The following NFASC variants were observed in gnomAD, a reference collection of about 807,000 sequenced individuals.
NFASC encodes neurofascin homolog.
NFASC carries 43 observed loss-of-function variants against 147.5 expected under a neutral mutation model. The ratio of observed to expected loss-of-function variants is 0.29; its 90% CI spans 0.23 to 0.38. The LOEUF is 0.38. Among genes scored for constraint, NFASC ranks in the 10% least tolerant of loss-of-function variants. NFASC has a pLI of 1.00. For missense variants in NFASC, 1,320 were observed against 1,689.0 expected (o/e 0.78, Z 3.83); for synonymous variants, 622 against 665.5 (o/e 0.93, Z 1.01).
chr1:205,019,774 A>G lies in NFASC; in HGVS notation c.*3235A>G, dbSNP rs952165259. ...TCAAGAACCACGGTGTGGCTTGAGA[A>G]ACAGTCCTGCTTCCTGAGCCTCTTT... On this transcript the variant is annotated 3_prime_UTR_variant, in exon 30 of 30. Coordinates refer to ENST00000339876, the MANE Select transcript of NFASC (RefSeq NM_001005388.3). 2 of 152,216 alleles carry G rather than the reference A, an allele frequency of 1.3e-5. No individual in the cohort carries two copies. The highest frequency in any genetic ancestry group is 2.1e-4 in the South Asian group (1 of 4,830). 9.4% of individuals were successfully genotyped at this position (152,216 alleles called of 1,614,324 possible).
At chr1:204,961,135 G>A (rs2094642974) in intron 8 of NFASC, among the ~76,000 whole-genome samples, 1 of 152,198 alleles carries the variant, frequency 6.6e-6, no homozygotes, top group Non-Finnish European at 1.5e-5. Context: ...TGCTGGAAGG[G>A]ACCAGAGGTA....
At chr1:204,890,356 T>C (rs1408173709) in intron 1 of NFASC, among the ~76,000 whole-genome samples, 3 of 152,168 alleles carry the variant, frequency 2.0e-5, no homozygotes, top group Admixed American at 6.5e-5. Context: ...CGGCACTATG[T>C]GAAAACCTAG....
chr1:204,981,650 G>T, intron 20 of NFASC, 148 bp from the exon 21 acceptor site: 2 of 481,518 alleles, frequency 4.2e-6, no homozygotes, highest in Non-Finnish European at 3.6e-6. Context: ...ACTGGGGTGG[G>T]GGATATGGTC....
chr1:204,947,396 C>T (rs2093818612), intron 3 of NFASC, among the ~76,000 whole-genome samples: 3 of 152,188 alleles, frequency 2.0e-5, no homozygotes, highest in African/African-American at 7.2e-5. Context: ...GCATTCTTAA[C>T]GTTCTCGCCC....
chr1:205,009,078 G>A (rs1191630586), intron 27 of NFASC: 1 of 250,220 alleles, frequency 4.0e-6, no homozygotes, highest in Non-Finnish European at 7.9e-6. Flanking sequence ...GTGCAGGCCT[G>A]CGAAGGTGTT....
intron 1 of NFASC, among the ~76,000 whole-genome samples, chr1:204,864,868 T>C (rs1025358277): frequency 2.0e-5 from 3 of 152,230 alleles, no homozygotes; most frequent in Non-Finnish European, 4.4e-5. Context: ...GATTTGCATC[T>C]GTTTTCTCCC....
intron 2 of NFASC, among the ~76,000 whole-genome samples, chr1:204,937,680 C>G (rs2092982948): frequency 6.6e-6 from 1 of 152,208 alleles, no homozygotes; most frequent in African/African-American, 2.4e-5. Context: ...CTCCGTTTCT[C>G]CATCCGCTGA....
intron 1 of NFASC, among the ~76,000 whole-genome samples, chr1:204,905,530 C>T (rs901205720): frequency 1.3e-5 from 2 of 152,034 alleles, no homozygotes; most frequent in East Asian, 1.9e-4. Flanking sequence ...TCAAGTCCTT[C>T]GCTTTTTTTG....
chr1:205,016,020 C>T lies in NFASC; in HGVS notation c.3492-288C>T, dbSNP rs948917770. 6.6e-6 allele frequency among the ~76,000 whole-genome samples: 1 copy of T among 152,164 alleles called. No individual in the cohort carries two copies. The highest frequency in any genetic ancestry group is 1.5e-5 in the Non-Finnish European group (1 of 68,032). On this transcript the variant is annotated intron_variant, in intron 29 of 29. Coordinates refer to ENST00000339876, the MANE Select transcript of NFASC (RefSeq NM_001005388.3). This position sits in a 1 kb window ranked among gnomAD's most constrained non-coding sequence, Gnocchi z 5.1. ...GGCCATCCTCTGTCCACTTCCACCA[C>T]ACACAGGGACCCAATCTCATGGAAA...
At chr1:204,952,823 C>A (rs1398666350) in intron 5 of NFASC, among the ~76,000 whole-genome samples, 1 of 152,194 alleles carries the variant, frequency 6.6e-6, no homozygotes, top group Non-Finnish European at 1.5e-5. Flanking sequence ...AAGATTCAGA[C>A]CCGTATGTGA....
At chr1:204,884,757 G>T (rs771436358) in intron 1 of NFASC, among the ~76,000 whole-genome samples, 5 of 152,148 alleles carry the variant, frequency 3.3e-5, no homozygotes, top group African/African-American at 9.7e-5. Flanking sequence ...AGGCATATAT[G>T]ATCATGTGAT....
At chr1:204,881,339 C>T (rs2080183473) in intron 1 of NFASC, among the ~76,000 whole-genome samples, 1 of 152,180 alleles carries the variant, frequency 6.6e-6, no homozygotes, top group South Asian at 2.1e-4. Flanking sequence ...GTTGGGGAGG[C>T]CTCTCTATTG....
At chr1:204,936,198 C>CTTTTTTTTTTT (rs749844237) in intron 2 of NFASC, among the ~76,000 whole-genome samples, 6 of 71,878 alleles carry the variant, frequency 8.3e-5, no homozygotes, top group Non-Finnish European at 9.6e-5. Context: ...CTCTCTCTTT[C>CTTTTTTTTTTT]TTTTTCTTTT....
chr1:204,974,576 G>A, intron 13 of NFASC, 81 bp from the exon 14 acceptor site: 1 of 1,486,858 alleles, frequency 6.7e-7, no homozygotes, highest in African/African-American at 1.4e-5. Flanking sequence ...AGCCCCCATG[G>A]TCTCTCTTGA....
chr1:204,951,323 T>G (rs2094111242), intron 4 of NFASC, among the ~76,000 whole-genome samples: 1 of 149,036 alleles, frequency 6.7e-6, no homozygotes, highest in Non-Finnish European at 1.5e-5. Flanking sequence ...TAATTTTTTT[T>G]TTTTTTTTTT....
chr1:204,845,142 A>C (rs898045469), intron 1 of NFASC, among the ~76,000 whole-genome samples: 3 of 152,166 alleles, frequency 2.0e-5, no homozygotes, highest in African/African-American at 7.2e-5. Context: ...TGTAGTTAAA[A>C]GAGAAATGTT....
rs1221677911 is a variant in NFASC, at chr1:204,987,264, G to T, written c.2471-154G>T. On this transcript the variant is annotated intron_variant, in intron 21 of 29. Coordinates refer to ENST00000339876, the MANE Select transcript of NFASC (RefSeq NM_001005388.3). This position sits in a 1 kb window ranked among gnomAD's most constrained non-coding sequence, Gnocchi z 4.4. ...CTGGATGGGGCAATGGGCTCCGGTC[G>T]TCTCACGGTTCTCCCAGGCTTCAGT... 4.4e-6 allele frequency: 3 copies of T among 687,008 alleles called. No homozygotes were observed. Among genetic ancestry groups the T allele is most frequent in the African/African-American group, 1.8e-5 (1 of 55,666 alleles). 42.6% of individuals were successfully genotyped at this position (687,008 alleles called of 1,614,324 possible). A position where few individuals can be genotyped will look rare whatever the true frequency, so the allele number is the denominator to read the frequency against.
chr1:204,903,129 C>T (rs2085031021), intron 1 of NFASC, among the ~76,000 whole-genome samples: 1 of 152,212 alleles, frequency 6.6e-6, no homozygotes, highest in Admixed American at 6.5e-5. Context: ...GTCCCCCCTA[C>T]CCCCACAAGT....
chr1:205,000,236 C>T (rs1010181339), intron 25 of NFASC: 4 of 152,172 alleles, frequency 2.6e-5, no homozygotes, highest in Non-Finnish European at 4.4e-5. Flanking sequence ...TTCTCTTGGT[C>T]GCACCTAGTC....
Sources: allele counts gnomAD v4.1 joint callset (sites outside exome capture counted in the v4.1 genomes callset), GRCh38; gene constraint gnomAD v4.1.1; non-coding constraint Gnocchi (gnomAD v3.1); transcripts MANE v1.5; gene names NCBI Gene and HGNC (gene_info 2026-07-23, HGNC 2026-07-21).